The following MYT1L variants were observed in gnomAD, a reference collection of about 807,000 sequenced individuals.
MYT1L encodes the protein myelin transcription factor 1-like protein.
In MYT1L, 12 loss-of-function variants were observed where a neutral mutation model predicts 126.7. The ratio of observed to expected loss-of-function variants is 0.09; its 90% CI spans 0.06 to 0.15. The LOEUF (loss-of-function observed/expected upper bound fraction) is 0.15. MYT1L is among the 10% of genes least tolerant of loss of function. MYT1L has a pLI of 1.00. For synonymous variants in MYT1L, 541 were observed against 604.2 expected, an observed-to-expected ratio of 0.90 and a Z score of 1.53; for missense variants, 979 against 1,585.2, an observed-to-expected ratio of 0.62 and a Z score of 6.49.
At chr2:2,124,615 C>T (rs540578243) in intron 3 of MYT1L, among the ~76,000 whole-genome samples, 1 of 152,306 alleles carries the variant, frequency 6.6e-6, no homozygotes, top group Non-Finnish European at 1.5e-5. Context: ...TTTATATTTG[C>T]ATATTTTTAG....
At chr2:2,299,132 G>A (rs191430558) in intron 1 of MYT1L, among the ~76,000 whole-genome samples, 14 of 152,190 alleles carry the variant, frequency 9.2e-5, no homozygotes, top group African/African-American at 2.7e-4. Flanking sequence ...GATTACAGGC[G>A]TGAGCCACCG....
chr2:2,151,778 G>A (rs371902196), intron 3 of MYT1L, among the ~76,000 whole-genome samples: 1 of 152,124 alleles, frequency 6.6e-6, no homozygotes, highest in African/African-American at 2.4e-5. Flanking sequence ...ACTATAGGCC[G>A]GGGGCAGTGG....
chr2:1,986,403 G>A (rs1448246217), intron 5 of MYT1L, among the ~76,000 whole-genome samples: 1 of 152,076 alleles, frequency 6.6e-6, no homozygotes, highest in African/African-American at 2.4e-5. Flanking sequence ...AAGCCTCAGG[G>A]TATTTGCTCT....
At chr2:2,172,198 G>A (rs191310234) in intron 3 of MYT1L, among the ~76,000 whole-genome samples, 2 of 152,090 alleles carry the variant, frequency 1.3e-5, no homozygotes, top group East Asian at 1.9e-4. Flanking sequence ...CTAGGTATGC[G>A]CCAATCTCTT....
chr2:1,948,324 C>A (rs867359938), intron 8 of MYT1L, among the ~76,000 whole-genome samples: 1 of 152,198 alleles, frequency 6.6e-6, no homozygotes, highest in Non-Finnish European at 1.5e-5. Flanking sequence ...TGAATACAGT[C>A]GTATCCCCAA....
chr2:1,836,304 GC>G (rs973382253), intron 21 of MYT1L, among the ~76,000 whole-genome samples: 33 of 120,968 alleles, frequency 2.7e-4, no homozygotes, highest in Non-Finnish European at 4.8e-4. Context: ...CCATCAGCCT[GC>G]CCCCCCAAGA....
chr2:2,177,855 A>T (rs1020247434), intron 2 of MYT1L, among the ~76,000 whole-genome samples: 2 of 152,182 alleles, frequency 1.3e-5, no homozygotes, highest in Non-Finnish European at 2.9e-5. Flanking sequence ...GTGGGGACAC[A>T]GAGCCTAATC....
chr2:1,822,395 G>A (rs2148153642), intron 21 of MYT1L, among the ~76,000 whole-genome samples: 1 of 152,340 alleles, frequency 6.6e-6, no homozygotes, highest in African/African-American at 2.4e-5. Context: ...AGGAACACAC[G>A]TGCACCTTTC....
At chr2:2,225,120 T>TC (rs2093975660) in intron 2 of MYT1L, among the ~76,000 whole-genome samples, 3 of 152,022 alleles carry the variant, frequency 2.0e-5, no homozygotes, top group South Asian at 4.2e-4. Context: ...TTTTTTTTTT[T>TC]CTCAGTCTCC....
chr2:2,213,864 G>A (rs1274251652), intron 2 of MYT1L, among the ~76,000 whole-genome samples: 1 of 152,080 alleles, frequency 6.6e-6, no homozygotes, highest in African/African-American at 2.4e-5. Flanking sequence ...AAAATCCACA[G>A]TGAGGAGAAA....
At chr2:2,020,817 C>T (rs1244795198) in intron 4 of MYT1L, among the ~76,000 whole-genome samples, 1 of 152,182 alleles carries the variant, frequency 6.6e-6, no homozygotes, top group Non-Finnish European at 1.5e-5. Context: ...CTAATCCTTG[C>T]ATATATTTGA....
chr2:2,004,342 C>CT (rs2062871584), intron 4 of MYT1L, among the ~76,000 whole-genome samples: 1 of 144,998 alleles, frequency 6.9e-6, no homozygotes, highest in Non-Finnish European at 1.5e-5. Flanking sequence ...TGCATACGTT[C>CT]TTTCCTGCGT....
chr2:2,011,278 C>T (rs2063792317), intron 4 of MYT1L, among the ~76,000 whole-genome samples: 1 of 152,038 alleles, frequency 6.6e-6, no homozygotes, highest in African/African-American at 2.4e-5. Context: ...GTAATCCGAA[C>T]TACCATGTTA....
chr2:2,308,377 C>T (rs1195688668), intron 1 of MYT1L, among the ~76,000 whole-genome samples: 1 of 151,686 alleles, frequency 6.6e-6, no homozygotes, highest in Non-Finnish European at 1.5e-5. Flanking sequence ...GTATATTGTA[C>T]CCATACTCCA....
chr2:2,252,594 C>G (rs2094682218), intron 2 of MYT1L, among the ~76,000 whole-genome samples: 1 of 152,202 alleles, frequency 6.6e-6, no homozygotes, highest in Non-Finnish European at 1.5e-5. Flanking sequence ...ATAAAAGCAA[C>G]TATAACACCA....
At chr2:1,992,791 A>T (rs2061543708) in intron 5 of MYT1L, among the ~76,000 whole-genome samples, 1 of 152,194 alleles carries the variant, frequency 6.6e-6, no homozygotes, top group African/African-American at 2.4e-5. Context: ...CCCTTGTGGA[A>T]CTAACATTAG....
At chr2:1,956,852 A>T (rs539803529) in intron 8 of MYT1L, among the ~76,000 whole-genome samples, 3 of 152,158 alleles carry the variant, frequency 2.0e-5, no homozygotes, top group Non-Finnish European at 4.4e-5. Context: ...CATGTGTTTC[A>T]GATGGAAATG....
intron 4 of MYT1L, among the ~76,000 whole-genome samples, chr2:2,034,138 C>T (rs976693324): frequency 1.3e-5 from 2 of 152,086 alleles, no homozygotes; most frequent in African/African-American, 2.4e-5. Context: ...GTTAGTAAGT[C>T]GTAGGGACAT....
At chr2:2,300,920 G>A (rs914197246) in intron 1 of MYT1L, among the ~76,000 whole-genome samples, 3 of 152,100 alleles carry the variant, frequency 2.0e-5, no homozygotes, top group Non-Finnish European at 4.4e-5. Flanking sequence ...GCCATAAAAC[G>A]CCCACTCTCC....
Sources: gnomAD v4.1 joint callset for allele counts (sites outside exome capture counted in the v4.1 genomes callset) on GRCh38, gnomAD v4.1.1 for gene constraint, MANE v1.5 for transcripts, NCBI Gene and HGNC (gene_info 2026-07-23, HGNC 2026-07-21) for gene names.